The following GDF6 variants were observed in gnomAD, a reference collection of about 807,000 sequenced individuals.
The protein encoded by GDF6 is growth/differentiation factor 6.
In GDF6, 3 loss-of-function variants were observed where a neutral mutation model predicts 32.4. That is an observed-to-expected ratio of 0.09 (90% CI 0.04 to 0.24). The LOEUF (loss-of-function observed/expected upper bound fraction) is 0.24. GDF6 is among the 10% of genes least tolerant of loss of function. The pLI, the probability that GDF6 is intolerant of heterozygous loss-of-function variation, is 1.00. For missense variants in GDF6, 589 were observed against 637.9 expected, an observed-to-expected ratio of 0.92 and a Z score of 0.83; for synonymous variants, 296 against 295.3, an observed-to-expected ratio of 1.00 and a Z score of -0.03.
At chr8:96,148,407 G>A (rs1446161178) in intron 1 of GDF6, among the ~76,000 whole-genome samples, 2 of 152,196 alleles carry the variant, frequency 1.3e-5, no homozygotes, top group Non-Finnish European at 2.9e-5. Context: ...ATATGGCCCA[G>A]GTATCTGGAG....
In GDF6 at chr8:96,160,377, A is replaced by C. The variant is rs751465124; in HGVS notation, c.316T>G (p.Ser106Ala). 6.2e-7 allele frequency: 1 copy of C among 1,614,164 alleles called. No individual in the cohort carries two copies. The highest frequency in any genetic ancestry group is 8.5e-7 in the Non-Finnish European group (1 of 1,180,016). ...EYMLSIYRTYSIAEKLGINAS... is the reference protein window; with the variant it reads ...EYMLSIYRTYAIAEKLGINAS... ...TTGATGCCCAGCTTCTCAGCGATGG[A>C]GTAAGTCCTGTAGATTGACAGCATG... The change falls in exon 1 of 2, where the codon TCC (serine) becomes GCC (alanine). Residue 106 changes from serine (S) to alanine (A), a missense_variant. Transcript: ENST00000287020.
chr8:96,158,421 G>T (rs976526196), intron 1 of GDF6, among the ~76,000 whole-genome samples: 1 of 152,242 alleles, frequency 6.6e-6, no homozygotes, highest in Admixed American at 6.5e-5. Flanking sequence ...AATGCCACAG[G>T]CTTCCGGAGA....
intron 1 of GDF6, among the ~76,000 whole-genome samples, chr8:96,152,403 G>A (rs1404658746): frequency 6.6e-6 from 1 of 152,196 alleles, no homozygotes; most frequent in African/African-American, 2.4e-5. Flanking sequence ...ATGACTCCCT[G>A]GCTGGCAGTG....
Position 96,145,204 on chromosome 8 carries a change from C to T in GDF6, c.727G>A (p.Gly243Arg), listed in dbSNP as rs909520368. 2.7e-6 allele frequency: 4 copies of T among 1,501,960 alleles called. No homozygotes were observed. Among genetic ancestry groups the T allele is most frequent in the South Asian group, 2.5e-5 (2 of 80,386 alleles). The allele number at this position is 1,501,960 out of a possible 1,614,324, so 93.0% of individuals were successfully genotyped here. Residue 243 changes from glycine to arginine, a missense_variant, in exon 2 of 2, where the codon GGG (glycine) becomes AGG (arginine). Gly to Arg is a moderately radical substitution (Grantham distance 125, BLOSUM62 -2). This residue lies in a region of GDF6 where 436 missense variants were observed against 411.2 expected (regional missense o/e 1.06). Transcript: ENST00000287020. The surrounding 1 kb of genome is among the most constrained non-coding windows in gnomAD (Gnocchi z 5.6). The stretch of plus-strand genomic sequence containing the variant: ...CCCCGCGCGCGCGCCTCGGCCTCCC[C>T]GGCGTCCAGCTCGCCCCATGCGGCC... Reference protein sequence around the residue: ...LRAAWGELDAGEAEARARGPQ... With the variant: ...LRAAWGELDAREAEARARGPQ...
At chr8:96,149,644 G>A (rs928628016) in intron 1 of GDF6, among the ~76,000 whole-genome samples, 1 of 152,054 alleles carries the variant, frequency 6.6e-6, no homozygotes, top group Non-Finnish European at 1.5e-5. Flanking sequence ...TGAATATAAG[G>A]TAAAAAATAA....
rs376698111 is a variant in GDF6 at position 96,144,969 on chromosome 8, T to C, written c.962A>G (p.Asp321Gly). 7.1e-7 allele frequency: 1 copy of C among 1,407,728 alleles called. No individual in the cohort carries two copies. The highest frequency in any genetic ancestry group is 1.6e-5 in the South Asian group (1 of 61,432). 87.2% of individuals were successfully genotyped at this position (1,407,728 alleles called of 1,614,324 possible). A position where few individuals can be genotyped will look rare whatever the true frequency, so the allele number is the denominator to read the frequency against. ...GGGCGAGGGCAGCCAAGGCCTGGCA[T>C]CCGGGGCGCCCGACGGCGGCGGCCA... ...GSWPPPSGAP[D>G]ARPWLPSPGR... The change falls in exon 2 of 2, where the codon GAT becomes GGT. Residue 321 changes from aspartate (D) to glycine (G), a missense_variant. Asp to Gly is a moderately conservative substitution (Grantham distance 94). This residue lies in a region of GDF6 where 153 missense variants were observed against 226.7 expected (regional missense o/e 0.67). Transcript: ENST00000287020. The surrounding 1 kb of genome is among the most constrained non-coding windows in gnomAD (Gnocchi z 5.1).
chr8:96,150,899 C>G (rs897116413), intron 1 of GDF6, among the ~76,000 whole-genome samples: 2 of 152,334 alleles, frequency 1.3e-5, no homozygotes, highest in Admixed American at 6.5e-5. Context: ...CATGACTGGG[C>G]TTGGAGTCAT....
chr8:96,146,683 C>A (rs1007949097), intron 1 of GDF6, among the ~76,000 whole-genome samples: 13 of 104,076 alleles, frequency 1.2e-4, no homozygotes, highest in African/African-American at 6.6e-4. Flanking sequence ...CAATTAGATA[C>A]ACACACACAC....
rs571059770 is a variant in GDF6, at chr8:96,155,339, G to A, written c.406+4948C>T. Reference sequence around the variant, plus strand: ...GAATCTTCTTGCTTTTCCCTGTAAGGCAGACCTTAAGGCCTTAAGGATTGG... The same window carrying A: ...GAATCTTCTTGCTTTTCCCTGTAAGACAGACCTTAAGGCCTTAAGGATTGG... On this transcript the variant is annotated intron_variant, in intron 1 of 1. Transcript: ENST00000287020. 3.5e-4 allele frequency among the ~76,000 whole-genome samples: 53 copies of A among 152,322 alleles called. 1 individual carries two copies. Among genetic ancestry groups the A allele is most frequent in the African/African-American group, 1.3e-3 (53 of 41,562 alleles).
chr8:96,142,622 T>G lies in GDF6; in HGVS notation c.*1941A>C, dbSNP rs1213229643. ...TTAAAAATATTAGAAATTATAACAT[T>G]TGAGTGCATATAACGTTTTGTACAT... On this transcript the variant is annotated 3_prime_UTR_variant, in exon 2 of 2. Transcript: ENST00000287020. 1 of 152,658 alleles carries G rather than the reference T, an allele frequency of 6.6e-6. No individual in the cohort carries two copies. The highest frequency in any genetic ancestry group is 1.5e-5 in the Non-Finnish European group (1 of 68,046). The allele number at this position is 152,658 out of a possible 1,614,324, so 9.5% of individuals were successfully genotyped here. A position where few individuals can be genotyped will look rare whatever the true frequency, so the allele number is the denominator to read the frequency against.
chr8:96,150,878 A>G (rs1447431777), intron 1 of GDF6, among the ~76,000 whole-genome samples: 1 of 152,196 alleles, frequency 6.6e-6, no homozygotes, highest in Admixed American at 6.5e-5. Flanking sequence ...AAGACCTCCA[A>G]GCTCAAAATT....
chr8:96,156,681 T>C (rs1272369595), intron 1 of GDF6, among the ~76,000 whole-genome samples: 1 of 152,132 alleles, frequency 6.6e-6, no homozygotes, highest in Non-Finnish European at 1.5e-5. Flanking sequence ...TAAAGCACAA[T>C]ATAAGAGCAT....
In GDF6 at chr8:96,145,015, C is replaced by T; in HGVS notation, c.916G>A (p.Gly306Ser). 1.4e-6 allele frequency: 2 copies of T among 1,398,856 alleles called. No homozygotes were observed. The highest frequency in any genetic ancestry group is 3.1e-5 in the East Asian group (1 of 32,398). 86.7% of individuals were successfully genotyped at this position (1,398,856 alleles called of 1,614,324 possible). The change falls in exon 2 of 2, where the codon GGC becomes AGC. Residue 306 changes from glycine (G) to serine (S), a missense_variant. Coordinates refer to ENST00000287020, the MANE Select transcript of GDF6 (RefSeq NM_001001557.4). The surrounding 1 kb of genome is among the most constrained non-coding windows in gnomAD (Gnocchi z 5.6). ...GGCCACGACCCCTCGGCGCCCGCGC[C>T]CGGGCCCGCAGCCTCGGCCGAGCCC... ...QLGSAEAAGP[G>S]AGAEGSWPPP...
At chr8:96,147,495 C>T (rs1432338634) in intron 1 of GDF6, among the ~76,000 whole-genome samples, 1 of 152,228 alleles carries the variant, frequency 6.6e-6, no homozygotes, top group Non-Finnish European at 1.5e-5. Context: ...AAATCTAAGG[C>T]ACTTGCTGCA....
rs58064388 is a variant in GDF6, at chr8:96,148,001, T to TA, written c.407-2478dup. On this transcript the variant is annotated intron_variant, in intron 1 of 1. Transcript: ENST00000287020. ...CAGCCTGCTTTTGTTTTTACTCTTTTAAAAAAAATGTGTGGGCTAATAAAT... is the reference window on the plus strand; with the variant it reads ...CAGCCTGCTTTTGTTTTTACTCTTTTAAAAAAAAATGTGTGGGCTAATAAAT... Among the ~76,000 whole-genome samples, 624 of 152,132 alleles carry TA rather than the reference T, an allele frequency of 4.1e-3. 6 individuals carry two copies. Among genetic ancestry groups the TA allele is most frequent in the Admixed American group, 0.012 (179 of 15,280 alleles).
In GDF6 at chr8:96,144,292, A is replaced by AG. The variant is rs1812428426; in HGVS notation, c.*270_*271insC. On this transcript the variant is annotated 3_prime_UTR_variant, in exon 2 of 2. Transcript: ENST00000287020. This position sits in a 1 kb window ranked among gnomAD's most constrained non-coding sequence, Gnocchi z 5.1. Reference sequence around the variant, plus strand: ...AGAGAGAGAGAGAGAGAGAGAGAGAAAACAGAACAAAAGAAATCCTCCTTG... The same window carrying AG: ...AGAGAGAGAGAGAGAGAGAGAGAGAAGAACAGAACAAAAGAAATCCTCCTTG... 2.2e-5 allele frequency: 7 copies of AG among 321,518 alleles called. No homozygotes were observed. The highest frequency in any genetic ancestry group is 3.8e-5 in the Non-Finnish European group (7 of 186,478). The allele number at this position is 321,518 out of a possible 1,614,324, so 19.9% of individuals were successfully genotyped here. A position where few individuals can be genotyped will look rare whatever the true frequency, so the allele number is the denominator to read the frequency against.
rs1812422415 is a variant in GDF6, at chr8:96,144,264, G to GAGAC, written c.*298_*299insGTCT. The GAGAC allele has an allele frequency of 2.3e-6, 1 of 437,806 alleles. No individual in the cohort carries two copies. Among genetic ancestry groups the GAGAC allele is most frequent in the African/African-American group, 2.2e-5 (1 of 44,470 alleles). The allele number at this position is 437,806 out of a possible 1,614,324, so 27.1% of individuals were successfully genotyped here. On this transcript the variant is annotated 3_prime_UTR_variant, in exon 2 of 2. Transcript: ENST00000287020. This position sits in a 1 kb window ranked among gnomAD's most constrained non-coding sequence, Gnocchi z 5.1. ...AGTAATAGAGAGAGAGAGAGAGAGA[G>GAGAC]AGAGAGAGAGAGAGAGAGAGAGAGA...
intron 1 of GDF6, among the ~76,000 whole-genome samples, chr8:96,159,660 G>T (rs964863965): frequency 6.6e-6 from 1 of 152,246 alleles, no homozygotes; most frequent in African/African-American, 2.4e-5. Context: ...CCTCGGAGCA[G>T]CCGGGAGCAC....
intron 1 of GDF6, among the ~76,000 whole-genome samples, chr8:96,148,772 G>A (rs893806375): frequency 6.6e-6 from 1 of 152,138 alleles, no homozygotes. Context: ...CAGCCCATTC[G>A]TGGCCCCCAA....
Sources: gnomAD v4.1 joint callset for allele counts (sites outside exome capture counted in the v4.1 genomes callset) on GRCh38, gnomAD v4.1.1 for gene constraint, gnomAD v4.1.1 regional missense constraint, Gnocchi (gnomAD v3.1) non-coding constraint, MANE v1.5 for transcripts, NCBI Gene and HGNC (gene_info 2026-07-23, HGNC 2026-07-21) for gene names.